The following ASB3 variants were observed in gnomAD, a reference collection of about 807,000 sequenced individuals.
The protein encoded by ASB3 is ankyrin repeat and SOCS box protein 3.
ASB3 carries 41 observed loss-of-function variants against 54.5 expected under a neutral mutation model. The observed-to-expected ratio is 0.75, with a 90% CI of 0.59 to 0.98. The LOEUF (loss-of-function observed/expected upper bound fraction) is 0.98, where lower values mean the gene tolerates loss of function less well. Among genes scored for constraint, ASB3 ranks in the 50% least tolerant of loss-of-function variants. The probability of loss-of-function intolerance (pLI) is 0.00; values close to 1 mark genes in which losing one functional copy is unlikely to be tolerated. For missense variants in ASB3, 733 were observed against 620.0 expected (o/e 1.18, Z -1.94); for synonymous variants, 266 against 221.2 (o/e 1.20, Z -1.80).
chr2:53,714,422 A>C lies in ASB3; in HGVS notation c.942T>G (p.Phe314Leu). 6.2e-7 allele frequency: 1 copy of C among 1,614,242 alleles called. No individual in the cohort carries two copies. The highest frequency in any genetic ancestry group is 8.5e-7 in the Non-Finnish European group (1 of 1,180,028). The change falls in exon 7 of 10, where the codon TTT (phenylalanine) becomes TTG (leucine). Residue 314 changes from phenylalanine to leucine, a missense_variant. By Grantham distance (22) the Phe-to-Leu change is conservative (BLOSUM62 0). Transcript: ENST00000263634. ...CCATGCACACAGGAGAACTGAATCC[A>C]AAAACAAGGCACGCCTGGGCGTCTG... ...YSPDAQACLV[F>L]GFSSPVCMAF...
At chr2:53,742,121 G>A (rs753534231) in intron 3 of ASB3, among the ~76,000 whole-genome samples, 1 of 152,148 alleles carries the variant, frequency 6.6e-6, no homozygotes, top group South Asian at 2.1e-4. Context: ...TCCAAAAAAA[G>A]AATCACACAA....
At chr2:53,713,055 G>A (rs1670193407) in intron 7 of ASB3, among the ~76,000 whole-genome samples, 1 of 152,186 alleles carries the variant, frequency 6.6e-6, no homozygotes, top group South Asian at 2.1e-4. Flanking sequence ...ATAAGTTTAA[G>A]AGGCCGGATG....
intron 5 of ASB3, among the ~76,000 whole-genome samples, chr2:53,719,294 GC>G (rs1670570182): frequency 6.6e-6 from 1 of 152,098 alleles, no homozygotes. Flanking sequence ...AGTGGCTCAC[GC>G]CTATAAGCCC....
intron 9 of ASB3, among the ~76,000 whole-genome samples, chr2:53,690,258 T>G (rs1377868763): frequency 6.6e-6 from 1 of 151,692 alleles, no homozygotes; most frequent in African/African-American, 2.4e-5. Context: ...AATAAATTAA[T>G]TAATTAATTA....
chr2:53,727,735 C>T (rs1167262994), intron 5 of ASB3, among the ~76,000 whole-genome samples: 1 of 151,924 alleles, frequency 6.6e-6, no homozygotes, highest in Non-Finnish European at 1.5e-5. Context: ...TTCTTTCTTT[C>T]TTTTTTTGGA....
chr2:53,754,676 T>C (rs536972226), intron 2 of ASB3, among the ~76,000 whole-genome samples: 1 of 152,312 alleles, frequency 6.6e-6, no homozygotes, highest in African/African-American at 2.4e-5. Flanking sequence ...TCAGGTTCCA[T>C]AACAGTGAAA....
intron 3 of ASB3, among the ~76,000 whole-genome samples, chr2:53,747,787 T>C (rs1490320974): frequency 6.6e-6 from 1 of 152,122 alleles, no homozygotes; most frequent in African/African-American, 2.4e-5. Flanking sequence ...CTGGAGTCAG[T>C]GATGAAGACA....
intron 5 of ASB3, among the ~76,000 whole-genome samples, chr2:53,719,464 C>T (rs1670578085): frequency 1.3e-5 from 2 of 152,284 alleles, no homozygotes; most frequent in East Asian, 1.9e-4. Flanking sequence ...AAAGCATCTC[C>T]GACCAGGAAC....
At chr2:53,716,326 C>T (rs1235265042) in intron 6 of ASB3, among the ~76,000 whole-genome samples, 1 of 152,026 alleles carries the variant, frequency 6.6e-6, no homozygotes, top group African/African-American at 2.4e-5. Context: ...GTCAACACCC[C>T]GAGAAAGTCC....
chr2:53,740,693 T>C (rs74905718), intron 3 of ASB3, among the ~76,000 whole-genome samples: 12,401 of 152,248 alleles, frequency 0.081, 663 homozygotes, highest in Non-Finnish European at 0.12. Context: ...GTTAGGGATA[T>C]AACAAAAACG....
intron 3 of ASB3, among the ~76,000 whole-genome samples, chr2:53,746,144 A>C (rs910188593): frequency 2.6e-5 from 4 of 152,070 alleles, no homozygotes; most frequent in African/African-American, 9.7e-5. Flanking sequence ...CATTAAAAAA[A>C]AATTAGCTGG....
chr2:53,682,635 C>T (rs1042811110), intron 9 of ASB3, among the ~76,000 whole-genome samples: 3 of 152,000 alleles, frequency 2.0e-5, no homozygotes, highest in African/African-American at 7.3e-5. Flanking sequence ...TACCACCACG[C>T]CCGGCTAATT....
intron 9 of ASB3, among the ~76,000 whole-genome samples, chr2:53,678,065 T>A (rs2103648231): frequency 6.6e-6 from 1 of 152,310 alleles, no homozygotes; most frequent in East Asian, 1.9e-4. Flanking sequence ...TATGTTGATA[T>A]ACCTACCATA....
chr2:53,751,385 A>G (rs1260072194), intron 2 of ASB3, among the ~76,000 whole-genome samples: 2 of 152,172 alleles, frequency 1.3e-5, no homozygotes, highest in Non-Finnish European at 2.9e-5. Context: ...TAATACCATG[A>G]GGCAGTTTTA....
chr2:53,758,563 G>A (rs1281954569), intron 2 of ASB3, among the ~76,000 whole-genome samples: 10 of 152,276 alleles, frequency 6.6e-5, no homozygotes, highest in Admixed American at 6.5e-4. Flanking sequence ...ACCCTTGAGC[G>A]CAAAGGCAAT....
intron 7 of ASB3, among the ~76,000 whole-genome samples, chr2:53,705,924 A>G (rs1669744118): frequency 6.6e-6 from 1 of 152,232 alleles, no homozygotes; most frequent in African/African-American, 2.4e-5. Flanking sequence ...GCAATATCCT[A>G]GAATGCAAGT....
At chr2:53,772,847 T>G (rs1674038963) in intron 1 of ASB3, among the ~76,000 whole-genome samples, 1 of 152,136 alleles carries the variant, frequency 6.6e-6, no homozygotes, top group Non-Finnish European at 1.5e-5. Flanking sequence ...GTTATTTTTC[T>G]AGATCCTCTC....
At chr2:53,748,225 T>C (rs1424744328) in intron 3 of ASB3, 1 of 152,218 alleles carries the variant, frequency 6.6e-6, no homozygotes, top group African/African-American at 2.4e-5. Context: ...AAGTCTTCTG[T>C]CATTCAAGGG....
intron 7 of ASB3, among the ~76,000 whole-genome samples, chr2:53,711,437 C>A (rs1389233038): frequency 3.3e-5 from 5 of 152,124 alleles, no homozygotes; most frequent in African/African-American, 1.2e-4. Context: ...GCTGCTGGTG[C>A]CACTGGTGCT....
Sources: gnomAD v4.1 joint callset for allele counts (sites outside exome capture counted in the v4.1 genomes callset) on GRCh38, gnomAD v4.1.1 for gene constraint, MANE v1.5 for transcripts, NCBI Gene and HGNC (gene_info 2026-07-23, HGNC 2026-07-21) for gene names.